The following SMC4 variants were observed in gnomAD, a reference collection of about 807,000 sequenced individuals.
SMC4 encodes structural maintenance of chromosomes 4, also known as structural maintenance of chromosomes protein 4.
In SMC4, 87 loss-of-function variants were observed where a neutral mutation model predicts 145.6. That is an observed-to-expected ratio of 0.60 (90% CI 0.50 to 0.71). The LOEUF (loss-of-function observed/expected upper bound fraction) is 0.71. Ranked by LOEUF, SMC4 falls within the 30% of genes least tolerant of loss-of-function variation. SMC4 has a pLI of 0.00. For missense variants in SMC4, 1,447 were observed against 1,537.1 expected, an observed-to-expected ratio of 0.94 and a Z score of 0.98; for synonymous variants, 558 against 500.7, an observed-to-expected ratio of 1.11 and a Z score of -1.53.
chr3:160,426,607 ATATG>A (rs1004500958), intron 17 of SMC4, among the ~76,000 whole-genome samples: 3 of 152,012 alleles, frequency 2.0e-5, no homozygotes, highest in African/African-American at 7.2e-5. Context: ...AAATATATAT[ATATG>A]TATTTTTTTT....
chr3:160,400,810 C>A lies in SMC4; in HGVS notation c.-5-12C>A, dbSNP rs763709788. 26 of 1,516,618 alleles carry A rather than the reference C, an allele frequency of 1.7e-5. No homozygotes were observed. In the African/African-American group the frequency reaches 2.6e-4, roughly 15 times the overall value. 93.9% of individuals were successfully genotyped at this position (1,516,618 alleles called of 1,614,324 possible). A position where few individuals can be genotyped will look rare whatever the true frequency, so the allele number is the denominator to read the frequency against. On this transcript the variant is annotated splice_polypyrimidine_tract_variant and intron_variant, in intron 1 of 23. Transcript: ENST00000357388. ...GCGGGCTGACTTGCTCCCGGCTGTCCCCCGGCCCCAGCGACCATGCCCCGT... is the reference window on the plus strand; with the variant it reads ...GCGGGCTGACTTGCTCCCGGCTGTCACCCGGCCCCAGCGACCATGCCCCGT...
At chr3:160,425,130 G>C in intron 16 of SMC4, 111 bp downstream of exon 16, 1 of 1,398,164 alleles carries the variant, frequency 7.2e-7, no homozygotes, top group Non-Finnish European at 9.5e-7. Flanking sequence ...AATATATAAG[G>C]GAGGGAGGAT....
intron 5 of SMC4, among the ~76,000 whole-genome samples, chr3:160,406,514 A>G (rs1715342399): frequency 6.6e-6 from 1 of 152,152 alleles, no homozygotes; most frequent in Non-Finnish European, 1.5e-5. Context: ...AATAACATCT[A>G]TCTTAAAAAC....
chr3:160,410,963 T>G (rs1320106367), intron 5 of SMC4, among the ~76,000 whole-genome samples: 1 of 152,206 alleles, frequency 6.6e-6, no homozygotes, highest in Non-Finnish European at 1.5e-5. Flanking sequence ...CTGTACCTAT[T>G]CTTCCATTGT....
chr3:160,428,655 C>A (rs1718054458), intron 17 of SMC4, 98 bp from the exon 18 acceptor site: 2 of 1,085,374 alleles, frequency 1.8e-6, no homozygotes, highest in Non-Finnish European at 1.3e-6. Context: ...TGTTTTAATG[C>A]ATCACGTCAA....
At position 160,402,930 on chromosome 3, in the gene SMC4, T is replaced by C; in HGVS notation, c.510+63T>C. The C allele has an allele frequency of 3.3e-6, 4 of 1,228,278 alleles. No individual in the cohort carries two copies. The South Asian group carries it at 4.9e-5, about 15-fold the overall frequency. 76.1% of individuals were successfully genotyped at this position (1,228,278 alleles called of 1,614,324 possible). A position where few individuals can be genotyped will look rare whatever the true frequency, so the allele number is the denominator to read the frequency against. ...GGAAAATGGACTTAAATGCATTACA[T>C]ATTTTATTTTTGGCTTTAAGAAATT... is the stretch of plus-strand genomic sequence containing the variant. On this transcript the variant is annotated intron_variant, in intron 4 of 23. Coordinates refer to ENST00000357388, the MANE Select transcript of SMC4 (RefSeq NM_001002800.3).
At chr3:160,405,379 A>G (rs1405090822) in intron 5 of SMC4, among the ~76,000 whole-genome samples, 1 of 151,784 alleles carries the variant, frequency 6.6e-6, no homozygotes, top group African/African-American at 2.4e-5. Context: ...ATTCGAGGGT[A>G]TCTTCTTTTC....
Position 160,408,116 on chromosome 3 carries a change from T to C in SMC4, c.687+3612T>C, listed in dbSNP as rs569481231. Among the ~76,000 whole-genome samples the C allele has an allele frequency of 1.3e-3, 199 of 152,312 alleles. 1 individual carries two copies. The highest frequency in any genetic ancestry group is 4.6e-3 in the African/African-American group (191 of 41,560). ...CATTTAATTTTTATGCAAACACTCATATTTGCTGTAAGAATCACTGAAACC... is the reference window on the plus strand; with the variant it reads ...CATTTAATTTTTATGCAAACACTCACATTTGCTGTAAGAATCACTGAAACC... On this transcript the variant is annotated intron_variant, in intron 5 of 23. Coordinates refer to ENST00000357388, the MANE Select transcript of SMC4 (RefSeq NM_001002800.3).
intron 12 of SMC4, 188 bp from the exon 13 acceptor site, chr3:160,420,552 A>C: frequency 4.1e-6 from 2 of 483,120 alleles, no homozygotes; most frequent in Non-Finnish European, 7.1e-6. Context: ...TTTTGTGCTC[A>C]TTAGAAATTC....
Position 160,426,173 on chromosome 3 carries a change from G to A in SMC4, c.2578G>A (p.Glu860Lys). 6.2e-7 allele frequency: 1 copy of A among 1,609,404 alleles called. No homozygotes were observed. ...TGACAAAAAAAAGCAGAAATTGCTA[G>A]AAGAAAACGTTAGTGCTTTCAAAAC... is the stretch of plus-strand genomic sequence containing the variant. Reference protein sequence around the residue: ...APDKKKQKLLEENVSAFKTEY... With the variant: ...APDKKKQKLLKENVSAFKTEY... The change falls in exon 17 of 24, where the codon GAA becomes AAA. Residue 860 changes from glutamate to lysine, a missense_variant. Coordinates refer to ENST00000357388, the MANE Select transcript of SMC4 (RefSeq NM_001002800.3).
chr3:160,412,060 A>G lies in SMC4; in HGVS notation c.828A>G (p.Ile276Met). Residue 276 changes from isoleucine (I) to methionine (M), a missense_variant, in exon 6 of 24, where the codon ATA becomes ATG. Transcript: ENST00000357388. The stretch of plus-strand genomic sequence containing the variant: ...AAGTCTTGTGTCGGAGAGTTGAAAT[A>G]TTAAATGAACACAGAGGAGAGAAGG... Reference protein sequence around the residue: ...PIKVLCRRVEILNEHRGEKLN... With the variant: ...PIKVLCRRVEMLNEHRGEKLN... 1 of 1,613,486 alleles carries G rather than the reference A, an allele frequency of 6.2e-7. No individual in the cohort carries two copies. Among genetic ancestry groups the G allele is most frequent in the East Asian group, 2.2e-5 (1 of 44,764 alleles).
Position 160,425,022 on chromosome 3 carries a change from A to ATGTATGTGTGTG in SMC4, c.2478+6_2478+7insATGTGTGTGTGT. 2 of 1,468,122 alleles carry ATGTATGTGTGTG rather than the reference A, an allele frequency of 1.4e-6. No homozygotes were observed. Among genetic ancestry groups the ATGTATGTGTGTG allele is most frequent in the Non-Finnish European group, 1.8e-6 (2 of 1,090,112 alleles). The allele number at this position is 1,468,122 out of a possible 1,614,324, so 90.9% of individuals were successfully genotyped here. On this transcript the variant is annotated splice_donor_region_variant and intron_variant, in intron 16 of 23. Coordinates refer to ENST00000357388, the MANE Select transcript of SMC4 (RefSeq NM_001002800.3). ...AAAAATTTACTGCAAGCATCCAGGTATGTGTGTGTGTGTGTGTGTGTGTGT... is the reference window on the plus strand; with the variant it reads ...AAAAATTTACTGCAAGCATCCAGGTATGTATGTGTGTGTGTGTGTGTGTGTGTGTGTGTGTGT...
chr3:160,412,333 GGGTAAAGAT>G lies in SMC4; in HGVS notation c.864_872del (p.Lys289_Val291del). 6.3e-7 allele frequency: 1 copy of G among 1,594,592 alleles called. No homozygotes were observed. The highest frequency in any genetic ancestry group is 8.6e-7 in the Non-Finnish European group (1 of 1,162,966). ...AACTTTTAATTTCTGTAGTTAAACA[GGGTAAAGAT>G]GGTGGAAAAGGAAAAGGATGCCTTA... On this transcript the variant is annotated inframe_deletion, in exon 7 of 24. Coordinates refer to ENST00000357388, the MANE Select transcript of SMC4 (RefSeq NM_001002800.3).
intron 15 of SMC4, among the ~76,000 whole-genome samples, chr3:160,424,321 G>A (rs779375102): frequency 1.3e-5 from 2 of 151,752 alleles, no homozygotes; most frequent in Non-Finnish European, 2.9e-5. Flanking sequence ...TTTCCCTCCC[G>A]TATTTTGAAA....
chr3:160,428,604 G>A (rs751045250), intron 17 of SMC4, 149 bp from the exon 18 acceptor site: 5 of 535,084 alleles, frequency 9.3e-6, no homozygotes, highest in Non-Finnish European at 1.6e-5. Flanking sequence ...ACAGGATATC[G>A]TTTTTTTTTT....
In SMC4 at chr3:160,432,496, T is replaced by G. The variant is rs1718515197; in HGVS notation, c.3511T>G (p.Ser1171Ala). The change falls in exon 22 of 24, where the codon TCT becomes GCT. Residue 1171 changes from serine (S) to alanine (A), a missense_variant. By Grantham distance (99) the Ser-to-Ala change is moderately conservative. Transcript: ENST00000357388. Reference protein sequence around the residue: ...LELVDSLDPFSEGIMFSVRPP... With the variant: ...LELVDSLDPFAEGIMFSVRPP... ...GCTTGTAGACAGCTTGGATCCTTTC[T>G]CTGAAGGAATCATGTTCAGGTGTGT... is the stretch of plus-strand genomic sequence containing the variant. 1 of 1,600,062 alleles carries G rather than the reference T, an allele frequency of 6.2e-7. No homozygotes were observed. Among genetic ancestry groups the G allele is most frequent in the Non-Finnish European group, 8.5e-7 (1 of 1,172,528 alleles).
chr3:160,405,842 A>G (rs577490707), intron 5 of SMC4, among the ~76,000 whole-genome samples: 5 of 152,128 alleles, frequency 3.3e-5, no homozygotes, highest in African/African-American at 4.8e-5. Context: ...AATAATGGAT[A>G]AAAAGTTATG....
At chr3:160,406,189 T>A (rs112488889) in intron 5 of SMC4, among the ~76,000 whole-genome samples, 2,031 of 152,236 alleles carry the variant, frequency 0.013, 23 homozygotes, top group Middle Eastern at 0.02. Flanking sequence ...AACCTTTTTA[T>A]GTGATCTTTA....
intron 13 of SMC4, 54 bp from the exon 14 acceptor site, chr3:160,423,371 G>GTGTTTTGTTTTTTGTTA: frequency 2.5e-6 from 1 of 397,976 alleles, no homozygotes; most frequent in Non-Finnish European, 3.8e-6. Flanking sequence ...TTTTTTTTTT[G>GTGTTTTGTTTTTTGTTA]AGTTTTCTTT....
Sources: allele counts gnomAD v4.1 joint callset (sites outside exome capture counted in the v4.1 genomes callset), GRCh38; gene constraint gnomAD v4.1.1; transcripts MANE v1.5; gene names NCBI Gene and HGNC (gene_info 2026-07-23, HGNC 2026-07-21).